ADAM7: variants seen among roughly 807,000 people sequenced by gnomAD.
The protein encoded by ADAM7 is ADAM metallopeptidase domain 7.
A neutral mutation model predicts 102.9 loss-of-function variants in ADAM7; 97 were observed. That is an observed-to-expected ratio of 0.94 (90% CI 0.80 to 1.12). The LOEUF (loss-of-function observed/expected upper bound fraction) is 1.12, where lower values mean the gene tolerates loss of function less well. ADAM7 is among the 50% of genes most tolerant of loss of function. ADAM7 has a pLI of 0.00. For synonymous variants in ADAM7, 334 were observed against 304.4 expected (o/e 1.10, Z -1.01); for missense variants, 991 against 908.7 (o/e 1.09, Z -1.16).
intron 16 of ADAM7, among the ~76,000 whole-genome samples, chr8:24,493,647 T>C (rs1314527721): frequency 1.3e-5 from 2 of 152,140 alleles, no homozygotes; most frequent in Admixed American, 1.3e-4. Flanking sequence ...ACAGTAAAAA[T>C]TACATGATTA....
In ADAM7 at chr8:24,492,108, A is replaced by G. The variant is rs974285157; in HGVS notation, c.1552+10A>G. 1.2e-6 allele frequency: 2 copies of G among 1,608,304 alleles called. No individual in the cohort carries two copies. The highest frequency in any genetic ancestry group is 2.2e-5 in the East Asian group (1 of 44,834). Reference sequence around the variant, plus strand: ...GAACTATTTGATGATGGTGAGAGATAATCACAGTGAAGTATTCACACAGAT... The same window carrying G: ...GAACTATTTGATGATGGTGAGAGATGATCACAGTGAAGTATTCACACAGAT... On this transcript the variant is annotated intron_variant, in intron 14 of 21. Transcript: ENST00000175238.
At chr8:24,505,023 T>A (rs779883195) in intron 20 of ADAM7, among the ~76,000 whole-genome samples, 1 of 152,176 alleles carries the variant, frequency 6.6e-6, no homozygotes, top group Non-Finnish European at 1.5e-5. Flanking sequence ...ATGATGCTAA[T>A]GTAATTCTCA....
chr8:24,489,439 C>CTT, intron 12 of ADAM7, 106 bp downstream of exon 12: 1 of 1,133,836 alleles, frequency 8.8e-7, no homozygotes, highest in Non-Finnish European at 1.2e-6. Flanking sequence ...CCTTGTAAAA[C>CTT]TTTTAAAAAT....
chr8:24,456,042 G>C (rs993456825), intron 3 of ADAM7, among the ~76,000 whole-genome samples: 5 of 151,716 alleles, frequency 3.3e-5, no homozygotes, highest in Non-Finnish European at 7.4e-5. Context: ...TTCACCATGC[G>C]GTGCAACAGA....
chr8:24,451,606 G>A (rs560831788), intron 3 of ADAM7, among the ~76,000 whole-genome samples: 2 of 151,910 alleles, frequency 1.3e-5, no homozygotes, highest in East Asian at 3.9e-4. Context: ...ACCAGCTCCT[G>A]GATTCATTAA....
chr8:24,484,802 C>CTTTTT lies in ADAM7; in HGVS notation c.876-457_876-453dup, dbSNP rs544478529. ...CAATTTCAGTGTAAGATTGCACTGG[C>CTTTTT]TTTTTTTTTTTTTTTTTTTTTTAAT... On this transcript the variant is annotated intron_variant, in intron 9 of 21. Coordinates refer to ENST00000175238, the MANE Select transcript of ADAM7 (RefSeq NM_003817.4). Among the ~76,000 whole-genome samples the CTTTTT allele has an allele frequency of 3.6e-4, 33 of 91,938 alleles. 1 individual carries two copies. Among genetic ancestry groups the CTTTTT allele is most frequent in the African/African-American group, 5.9e-4 (13 of 22,136 alleles). The allele number at this position is 91,938 out of a possible 152,430, so 60.3% of individuals were successfully genotyped here.
At chr8:24,508,242 C>T (rs1821016360) in intron 21 of ADAM7, among the ~76,000 whole-genome samples, 1 of 152,156 alleles carries the variant, frequency 6.6e-6, no homozygotes, top group African/African-American at 2.4e-5. Context: ...AATGATCTTT[C>T]CACTCCACAA....
chr8:24,498,765 C>A (rs1820645096), intron 16 of ADAM7, among the ~76,000 whole-genome samples: 1 of 150,690 alleles, frequency 6.6e-6, no homozygotes, highest in South Asian at 2.1e-4. Flanking sequence ...TCAAATTTAC[C>A]AAGAGAAAGG....
At chr8:24,444,017 C>T (rs908482073) in intron 2 of ADAM7, among the ~76,000 whole-genome samples, 10 of 151,010 alleles carry the variant, frequency 6.6e-5, no homozygotes, top group Non-Finnish European at 1.5e-4. Context: ...TGGATAAGGG[C>T]AAGGAATATA....
At chr8:24,448,257 A>G (rs376167884) in intron 3 of ADAM7, among the ~76,000 whole-genome samples, 7 of 152,316 alleles carry the variant, frequency 4.6e-5, no homozygotes, top group Admixed American at 2.6e-4. Context: ...CACAATACTC[A>G]TAAGCACATG....
At chr8:24,508,170 G>A (rs1157750440) in intron 21 of ADAM7, among the ~76,000 whole-genome samples, 1 of 152,004 alleles carries the variant, frequency 6.6e-6, no homozygotes, top group Non-Finnish European at 1.5e-5. Context: ...CTTCCACAAA[G>A]CGTTCTTATG....
At chr8:24,449,657 G>C (rs1433502547) in intron 3 of ADAM7, among the ~76,000 whole-genome samples, 1 of 152,090 alleles carries the variant, frequency 6.6e-6, no homozygotes, top group African/African-American at 2.4e-5. Context: ...AGTTTAATTA[G>C]ATCCCATTTG....
rs1465666125 is a variant in ADAM7, at chr8:24,509,315, C to A, written c.*769C>A. The A allele has an allele frequency of 6.1e-5, 60 of 985,240 alleles. No individual in the cohort carries two copies. Among genetic ancestry groups the A allele is most frequent in the Non-Finnish European group, 7.2e-5 (60 of 829,952 alleles). 61.0% of individuals were successfully genotyped at this position (985,240 alleles called of 1,614,324 possible). On this transcript the variant is annotated 3_prime_UTR_variant, in exon 22 of 22. Coordinates refer to ENST00000175238, the MANE Select transcript of ADAM7 (RefSeq NM_003817.4). ...TGTCCTGTGCAATTTGACAATGTGC[C>A]ATTTCTGTGCTGTCTCTGCCCTCTC...
At chr8:24,491,431 G>T (rs1648518025) in intron 13 of ADAM7, among the ~76,000 whole-genome samples, 1 of 152,164 alleles carries the variant, frequency 6.6e-6, no homozygotes, top group Non-Finnish European at 1.5e-5. Flanking sequence ...TTATTGAATG[G>T]CTGAATGAGA....
At chr8:24,506,790 C>CACAAAAAAAA (rs1820966198) in intron 20 of ADAM7, among the ~76,000 whole-genome samples, 2 of 140,936 alleles carry the variant, frequency 1.4e-5, no homozygotes, top group African/African-American at 5.2e-5. Flanking sequence ...CACACACACA[C>CACAAAAAAAA]AAAATAGAAC....
intron 3 of ADAM7, among the ~76,000 whole-genome samples, chr8:24,461,134 A>G (rs890959258): frequency 8.5e-5 from 13 of 152,072 alleles, no homozygotes; most frequent in Non-Finnish European, 1.9e-4. Context: ...CTGGGACTAC[A>G]GGCACCCGCC....
At chr8:24,501,604 A>T in intron 20 of ADAM7, 28 bp downstream of exon 20, 2 of 1,526,604 alleles carry the variant, frequency 1.3e-6, no homozygotes, top group Non-Finnish European at 1.8e-6. Context: ...GCAACAGTTA[A>T]TTTATTGATT....
chr8:24,444,681 T>TAA (rs528819861), intron 2 of ADAM7, among the ~76,000 whole-genome samples: 102 of 143,582 alleles, frequency 7.1e-4, no homozygotes, highest in African/African-American at 2.3e-3. Context: ...GTCCAGATCG[T>TAA]AAAAAAAAAA....
At chr8:24,487,519 C>T (rs563912158) in intron 11 of ADAM7, among the ~76,000 whole-genome samples, 89 of 151,732 alleles carry the variant, frequency 5.9e-4, no homozygotes, top group African/African-American at 2.1e-3. Context: ...GTGGCACATG[C>T]GTGTAATCCC....
Sources: gnomAD v4.1 joint callset for allele counts (sites outside exome capture counted in the v4.1 genomes callset) on GRCh38, gnomAD v4.1.1 for gene constraint, MANE v1.5 for transcripts, NCBI Gene and HGNC (gene_info 2026-07-23, HGNC 2026-07-21) for gene names.